Variants in ADARB2 observed in about 807,000 individuals in gnomAD.
The protein encoded by ADARB2 is adenosine deaminase RNA specific B2 (inactive).
Under a neutral mutation model 62.2 loss-of-function variants are expected in ADARB2, and 25 were observed. That is an observed-to-expected ratio of 0.40 (90% CI 0.29 to 0.56). ADARB2 has a LOEUF of 0.56. ADARB2 is among the 20% of genes least tolerant of loss of function. The pLI is 0.43. For synonymous variants in ADARB2, 572 were observed against 500.8 expected (o/e 1.14, Z -1.90); for missense variants, 1,071 against 1,077.4 (o/e 0.99, Z 0.08).
At chr10:1,613,763 A>C (rs1326981576) in intron 1 of ADARB2, among the ~76,000 whole-genome samples, 3 of 152,206 alleles carry the variant, frequency 2.0e-5, no homozygotes, top group African/African-American at 7.2e-5. Context: ...CTTTATGTAC[A>C]AAGCTAATAA....
At chr10:1,650,731 G>A (rs889264411) in intron 1 of ADARB2, among the ~76,000 whole-genome samples, 2 of 152,186 alleles carry the variant, frequency 1.3e-5, no homozygotes, top group African/African-American at 2.4e-5. Flanking sequence ...CTGCAGTCCC[G>A]GATAGGGGAG....
intron 1 of ADARB2, among the ~76,000 whole-genome samples, chr10:1,440,033 C>T (rs999323173): frequency 5.3e-5 from 8 of 150,480 alleles, no homozygotes; most frequent in Admixed American, 5.3e-4. Context: ...CATGATGGGG[C>T]TCCTGAGTCT....
At chr10:1,307,567 A>C (rs1023714930) in intron 3 of ADARB2, among the ~76,000 whole-genome samples, 3 of 144,122 alleles carry the variant, frequency 2.1e-5, no homozygotes, top group African/African-American at 7.6e-5. Context: ...TGACCCAGCC[A>C]TCCCATTACT....
At chr10:1,455,165 C>T (rs1422467310) in intron 1 of ADARB2, among the ~76,000 whole-genome samples, 1 of 152,180 alleles carries the variant, frequency 6.6e-6, no homozygotes, top group Non-Finnish European at 1.5e-5. Context: ...TAGTTGGCAG[C>T]TGGCTTTAGT....
At position 1,398,762 on chromosome 10, in the gene ADARB2, G is replaced by A. The variant is rs576704866; in HGVS notation, c.101-19602C>T. 1.4e-4 allele frequency among the ~76,000 whole-genome samples: 22 copies of A among 152,276 alleles called. No individual in the cohort carries two copies. Among genetic ancestry groups the A allele is most frequent in the East Asian group, 1.9e-4 (1 of 5,170 alleles). ...CAAATTACCCAGCTCTCGGCTCTGC[G>A]TGGATTGGCGTGCCCGTTTACCTGA... On this transcript the variant is annotated intron_variant, in intron 1 of 9. Transcript: ENST00000381312. This position sits in a 1 kb window ranked among gnomAD's most constrained non-coding sequence, Gnocchi z 4.1.
intron 1 of ADARB2, among the ~76,000 whole-genome samples, chr10:1,487,913 A>T (rs1831564640): frequency 6.6e-6 from 1 of 152,282 alleles, no homozygotes; most frequent in East Asian, 1.9e-4. Flanking sequence ...AAGGAAACAA[A>T]CAAACAAACA....
chr10:1,185,786 CAA>C (rs1290100438), intron 8 of ADARB2, among the ~76,000 whole-genome samples: 1 of 152,244 alleles, frequency 6.6e-6, no homozygotes, highest in Admixed American at 6.5e-5. Context: ...GCCCTCGTTT[CAA>C]AAGTGTTGCC....
intron 1 of ADARB2, among the ~76,000 whole-genome samples, chr10:1,577,447 G>GGAAAGAAGCTCAGGTGCA (rs1588309438): frequency 1.3e-5 from 2 of 152,106 alleles, no homozygotes; most frequent in African/African-American, 2.4e-5. Context: ...GAAGGTGGAT[G>GGAAAGAAGCTCAGGTGCA]TTGTTTATTG....
intron 7 of ADARB2, chr10:1,216,586 G>C (rs774805440): frequency 1.1e-5 from 3 of 266,920 alleles, no homozygotes; most frequent in Non-Finnish European, 2.2e-5. Context: ...GCCCAGTGGG[G>C]AGGGAGGCCC....
rs1024508333 is a variant in ADARB2 at position 1,199,912 on chromosome 10, G to T, written c.1864+54C>A. 6.2e-6 allele frequency: 9 copies of T among 1,454,822 alleles called. No homozygotes were observed. The African/African-American group carries it at 1.3e-4, about 20-fold the overall frequency. 90.1% of individuals were successfully genotyped at this position (1,454,822 alleles called of 1,614,324 possible). On this transcript the variant is annotated intron_variant, in intron 8 of 9. Coordinates refer to ENST00000381312, the MANE Select transcript of ADARB2 (RefSeq NM_018702.4). ...GGATGGCACCGCCGGGCACACCTGT[G>T]TCTGGCCTGGTGGTGGGAAGGAGGT...
At chr10:1,232,591 G>A (rs1466642747) in intron 6 of ADARB2, among the ~76,000 whole-genome samples, 1 of 127,778 alleles carries the variant, frequency 7.8e-6, no homozygotes, top group Non-Finnish European at 1.7e-5. Context: ...GTATGCATGT[G>A]GTATATGTGG....
chr10:1,495,725 A>T (rs1466341585), intron 1 of ADARB2, among the ~76,000 whole-genome samples: 1 of 152,090 alleles, frequency 6.6e-6, no homozygotes, highest in East Asian at 1.9e-4. Context: ...AATCATCACC[A>T]TCATCATAGT....
chr10:1,507,387 C>T (rs1483099002), intron 1 of ADARB2, among the ~76,000 whole-genome samples: 2 of 152,238 alleles, frequency 1.3e-5, no homozygotes, highest in Non-Finnish European at 2.9e-5. Flanking sequence ...AGGAAGGCTG[C>T]ACCTGCCCCC....
In ADARB2 at chr10:1,179,018, A is replaced by G. The variant is rs1836627159; in HGVS notation, c.*4175T>C. 1 of 152,228 alleles carries G rather than the reference A, an allele frequency of 6.6e-6. No individual in the cohort carries two copies. The highest frequency in any genetic ancestry group is 2.1e-4 in the South Asian group (1 of 4,832). The allele number at this position is 152,228 out of a possible 1,614,324, so 9.4% of individuals were successfully genotyped here. On this transcript the variant is annotated 3_prime_UTR_variant, in exon 10 of 10. Coordinates refer to ENST00000381312, the MANE Select transcript of ADARB2 (RefSeq NM_018702.4). ...AATGGCTTCTTAAAAAAGGGCATAT[A>G]AGTTTCCCTAAATTAAAAATGTCTA... is the stretch of plus-strand genomic sequence containing the variant.
At chr10:1,685,503 A>G (rs1257888851) in intron 1 of ADARB2, among the ~76,000 whole-genome samples, 1 of 152,216 alleles carries the variant, frequency 6.6e-6, no homozygotes, top group Non-Finnish European at 1.5e-5. Flanking sequence ...TATATTTGTA[A>G]AGGTGCTGAA....
At position 1,243,509 on chromosome 10, in the gene ADARB2, C is replaced by A. The variant is rs185586443; in HGVS notation, c.1193-1210G>T. Among the ~76,000 whole-genome samples, 1,105 of 152,350 alleles carry A rather than the reference C, an allele frequency of 7.3e-3. 8 individuals are homozygous for A. Among genetic ancestry groups the A allele is most frequent in the Middle Eastern group, 0.017 (5 of 294 alleles). ...GCTTCTCGCTTCTCACACACTTGTT[C>A]CTCTGATGTGACTTTTTCTCCCCTG... On this transcript the variant is annotated intron_variant, in intron 4 of 9. Transcript: ENST00000381312.
chr10:1,276,298 A>G (rs932593131), intron 3 of ADARB2, among the ~76,000 whole-genome samples: 1 of 152,178 alleles, frequency 6.6e-6, no homozygotes, highest in African/African-American at 2.4e-5. Context: ...GGCTGCATAA[A>G]TGTCTTCTTT....
chr10:1,360,142 G>A (rs1178638851), intron 3 of ADARB2, among the ~76,000 whole-genome samples: 2 of 151,972 alleles, frequency 1.3e-5, no homozygotes, highest in Non-Finnish European at 2.9e-5. Context: ...ACTGTGGGCA[G>A]AGAACCTCAA....
chr10:1,325,282 C>T lies in ADARB2; in HGVS notation c.1077+37746G>A, dbSNP rs567773155. On this transcript the variant is annotated intron_variant, in intron 3 of 9. Transcript: ENST00000381312. The stretch of plus-strand genomic sequence containing the variant: ...CGCTGGGGCCATGACAACTTCATGC[C>T]GCACCTCTCTTCACCTCTTCATGAG... Among the ~76,000 whole-genome samples the T allele has an allele frequency of 1.8e-4, 27 of 152,298 alleles. No individual in the cohort carries two copies. In the East Asian group the frequency reaches 4.2e-3, roughly 24 times the overall value.
Sources: gnomAD v4.1 joint callset for allele counts (sites outside exome capture counted in the v4.1 genomes callset) on GRCh38, gnomAD v4.1.1 for gene constraint, Gnocchi (gnomAD v3.1) non-coding constraint, MANE v1.5 for transcripts, NCBI Gene and HGNC (gene_info 2026-07-23, HGNC 2026-07-21) for gene names.